LDLRAD1: variants seen among roughly 807,000 people sequenced by gnomAD.
LDLRAD1 encodes low-density lipoprotein receptor class A domain-containing protein 1.
A neutral mutation model predicts 24.8 loss-of-function variants in LDLRAD1; 17 were observed. That is an observed-to-expected ratio of 0.69 (90% CI 0.47 to 1.03). LDLRAD1 has a LOEUF of 1.03. LDLRAD1 is among the 50% of genes least tolerant of loss of function. The pLI, the probability that LDLRAD1 is intolerant of heterozygous loss-of-function variation, is 0.00. For synonymous variants in LDLRAD1, 103 were observed against 108.2 expected, an observed-to-expected ratio of 0.95 and a Z score of 0.30; for missense variants, 277 against 271.0, an observed-to-expected ratio of 1.02 and a Z score of -0.16.
At position 54,010,275 on chromosome 1, in the gene LDLRAD1, C is replaced by A. The variant is rs754581787; in HGVS notation, c.469+7G>T. ...AGCCCCAGCCCAGCCTGTGCCCAGA[C>A]CCCTACCTGGGCTCAGTTCATCTGA... On this transcript the variant is annotated splice_region_variant and intron_variant, in intron 5 of 5. Transcript: ENST00000371360. 2 of 1,613,786 alleles carry A rather than the reference C, an allele frequency of 1.2e-6. No individual in the cohort carries two copies. Among genetic ancestry groups the A allele is most frequent in the African/African-American group, 2.7e-5 (2 of 74,912 alleles).
In LDLRAD1 at chr1:54,007,879, G is replaced by A. The variant is rs1416929439; in HGVS notation, c.*1103C>T. 6.6e-6 allele frequency: 1 copy of A among 152,264 alleles called. No homozygotes were observed. Among genetic ancestry groups the A allele is most frequent in the East Asian group, 1.9e-4 (1 of 5,200 alleles). 9.4% of individuals were successfully genotyped at this position (152,264 alleles called of 1,614,324 possible). On this transcript the variant is annotated 3_prime_UTR_variant, in exon 6 of 6. Coordinates refer to ENST00000371360, the MANE Select transcript of LDLRAD1 (RefSeq NM_001010978.4). ...AGTTCCAGCGCTGACTTTGCTCTAT[G>A]ATTCTGGACAAGTCATCGCCCTCTC...
At chr1:54,011,662 A>T (rs567112671) in intron 4 of LDLRAD1, among the ~76,000 whole-genome samples, 1 of 152,276 alleles carries the variant, frequency 6.6e-6, no homozygotes, top group East Asian at 1.9e-4. Context: ...TTCATTCAGC[A>T]AGCCGTTCTG....
At chr1:54,012,387 G>A in intron 3 of LDLRAD1, 107 bp from the exon 4 acceptor site, 3 of 1,235,036 alleles carry the variant, frequency 2.4e-6, no homozygotes, top group Non-Finnish European at 3.5e-6. Context: ...TGGGGCAGTG[G>A]GGAGGATGGA....
intron 5 of LDLRAD1, 139 bp from the exon 6 acceptor site, chr1:54,009,269 T>C: frequency 1.4e-6 from 1 of 736,172 alleles, no homozygotes. Flanking sequence ...GTGTTCCTAG[T>C]TTTCCTGCGG....
chr1:54,007,972 G>A lies in LDLRAD1; in HGVS notation c.*1010C>T, dbSNP rs1052097821. ...TTGCCTGCCTGGGTGGTGTGAAGCT[G>A]GAAAGATAAGCACAGAAGCAGCTCA... On this transcript the variant is annotated 3_prime_UTR_variant, in exon 6 of 6. Coordinates refer to ENST00000371360, the MANE Select transcript of LDLRAD1 (RefSeq NM_001010978.4). 2 of 152,230 alleles carry A rather than the reference G, an allele frequency of 1.3e-5. No individual in the cohort carries two copies. Among genetic ancestry groups the A allele is most frequent in the African/African-American group, 4.8e-5 (2 of 41,424 alleles). 9.4% of individuals were successfully genotyped at this position (152,230 alleles called of 1,614,324 possible).
Position 54,010,410 on chromosome 1 carries a change from C to T in LDLRAD1, c.341G>A (p.Arg114Gln). Residue 114 changes from arginine to glutamine, a missense_variant and splice_region_variant, in exon 5 of 6, where the codon CGA (arginine) becomes CAA (glutamine). Arg to Gln is a conservative substitution (Grantham distance 43). Coordinates refer to ENST00000371360, the MANE Select transcript of LDLRAD1 (RefSeq NM_001010978.4). ...GTGGGGGAGGCTCTGGGGCACATCT[C>T]CTGTAGAGGTACAGAGGAGGCAGGA... is the stretch of plus-strand genomic sequence containing the variant. Reference protein sequence around the residue: ...HGEDEDESLCRDVPQSLPHFL... With the variant: ...HGEDEDESLCQDVPQSLPHFL... The T allele has an allele frequency of 1.9e-6, 3 of 1,613,886 alleles. No individual in the cohort carries two copies. Among genetic ancestry groups the T allele is most frequent in the Non-Finnish European group, 2.5e-6 (3 of 1,180,000 alleles).
chr1:54,013,991 C>G (rs1302930864), intron 3 of LDLRAD1, among the ~76,000 whole-genome samples: 1 of 152,020 alleles, frequency 6.6e-6, no homozygotes, highest in African/African-American at 2.4e-5. Context: ...GGAAGGCATC[C>G]TGGAGGAGGT....
Position 54,012,185 on chromosome 1 carries a change from G to A in LDLRAD1, c.298C>T (p.Arg100Cys), listed in dbSNP as rs754944340. Reference protein sequence around the residue: ...IPASGVCDGVRTCTHGEDEDE... With the variant: ...IPASGVCDGVCTCTHGEDEDE... ...TCGTCCTCGCCGTGGGTACAGGTGC[G>A]AACGCCATCACAGACCCCACTGGCT... The change falls in exon 4 of 6, where the codon CGC (arginine) becomes TGC (cysteine). Residue 100 changes from arginine to cysteine, a missense_variant. By Grantham distance (180) the Arg-to-Cys change is radical. Coordinates refer to ENST00000371360, the MANE Select transcript of LDLRAD1 (RefSeq NM_001010978.4). 24 of 1,614,004 alleles carry A rather than the reference G, an allele frequency of 1.5e-5. No homozygotes were observed. The highest frequency in any genetic ancestry group is 1.3e-4 in the Admixed American group (8 of 60,012).
chr1:54,014,173 C>T, intron 3 of LDLRAD1, 63 bp downstream of exon 3: 1 of 1,537,370 alleles, frequency 6.5e-7, no homozygotes, highest in Non-Finnish European at 8.8e-7. Flanking sequence ...GCTCCCTCAT[C>T]TCTCTGTGCC....
intron 3 of LDLRAD1, among the ~76,000 whole-genome samples, chr1:54,014,005 A>T (rs2100258151): frequency 6.6e-6 from 1 of 152,226 alleles, no homozygotes; most frequent in East Asian, 1.9e-4. Context: ...AGGAGGTGAC[A>T]TCAGAGCTGG....
Position 54,012,273 on chromosome 1 carries a change from T to C in LDLRAD1, c.210A>G (p.Gln70=), listed in dbSNP as rs1390501158. ...TCCTGTTTGTCAGTGTTATACAAGC[T>C]TGGGCTCCTGAATGGGCAGGGAAAG... The part of the protein sequence containing the change: ...LGLPSCTPGA[Q]ACITLTNRTG... Residue 70 remains glutamine (Q), a synonymous_variant, in exon 4 of 6, where the codon CAA becomes CAG. Coordinates refer to ENST00000371360, the MANE Select transcript of LDLRAD1 (RefSeq NM_001010978.4). 1.9e-6 allele frequency: 3 copies of C among 1,614,074 alleles called. No homozygotes were observed. Among genetic ancestry groups the C allele is most frequent in the Non-Finnish European group, 2.5e-6 (3 of 1,179,984 alleles).
intron 3 of LDLRAD1, 50 bp from the exon 4 acceptor site, chr1:54,012,330 G>A (rs1360844223): frequency 7.5e-6 from 12 of 1,603,518 alleles, no homozygotes; most frequent in African/African-American, 1.3e-5. Flanking sequence ...TGCTCACAAG[G>A]ACAAACCTTC....
chr1:54,014,371 G>T lies in LDLRAD1; in HGVS notation c.74-7C>A, dbSNP rs374942731. The T allele has an allele frequency of 3.2e-5, 49 of 1,544,522 alleles. No individual in the cohort carries two copies. The highest frequency in any genetic ancestry group is 2.2e-4 in the East Asian group (9 of 40,594). ...CAGAGGTGGCCGCCGCCTGCTGTGTGGGGGGGAAACAAGCCCGGGGGTGGT... is the reference window on the plus strand; with the variant it reads ...CAGAGGTGGCCGCCGCCTGCTGTGTTGGGGGGAAACAAGCCCGGGGGTGGT... On this transcript the variant is annotated splice_region_variant and splice_polypyrimidine_tract_variant and intron_variant, in intron 2 of 5. Coordinates refer to ENST00000371360, the MANE Select transcript of LDLRAD1 (RefSeq NM_001010978.4).
chr1:54,010,301 A>G lies in LDLRAD1; in HGVS notation c.450T>C (p.Cys150=). The G allele has an allele frequency of 1.2e-6, 2 of 1,614,022 alleles. No individual in the cohort carries two copies. The highest frequency in any genetic ancestry group is 1.7e-6 in the Non-Finnish European group (2 of 1,179,984). Residue 150 remains cysteine, a synonymous_variant, in exon 5 of 6, where the codon TGT becomes TGC. Transcript: ENST00000371360. ...CCCTACCTGGGCTCAGTTCATCTGAACAGTCCCCGCAGTTGTTAGTGCCAT... is the reference window on the plus strand; with the variant it reads ...CCCTACCTGGGCTCAGTTCATCTGAGCAGTCCCCGCAGTTGTTAGTGCCAT... ...KCDGTNNCGD[C]SDELSPVTVC...
rs1656087483 is a variant in LDLRAD1 at position 54,012,201 on chromosome 1, C to T, written c.282G>A (p.Gly94=). The change falls in exon 4 of 6, where the codon GGG becomes GGA. Residue 94 remains glycine (G), a synonymous_variant. Transcript: ENST00000371360. Reference sequence around the variant, plus strand: ...TACAGGTGCGAACGCCATCACAGACCCCACTGGCTGGAATGCAGCTCCTCT... The same window carrying T: ...TACAGGTGCGAACGCCATCACAGACTCCACTGGCTGGAATGCAGCTCCTCT... ...HDQRSCIPAS[G]VCDGVRTCTH... 1.2e-6 allele frequency: 2 copies of T among 1,614,130 alleles called. No individual in the cohort carries two copies. The highest frequency in any genetic ancestry group is 2.2e-5 in the East Asian group (1 of 44,882).
intron 2 of LDLRAD1, among the ~76,000 whole-genome samples, chr1:54,016,378 A>G (rs946102398): frequency 1.3e-5 from 2 of 152,162 alleles, no homozygotes; most frequent in South Asian, 2.1e-4. Context: ...AGGTGTCCTG[A>G]TCAGCCAAGC....
rs557119831 is a variant in LDLRAD1, at chr1:54,015,637, G to A, written c.74-1273C>T. ...CAGCCCAGAGCCAGGCACGTGGTGGGGGCTTTTGTTTTTTTTGTTTTTTTT... is the reference window on the plus strand; with the variant it reads ...CAGCCCAGAGCCAGGCACGTGGTGGAGGCTTTTGTTTTTTTTGTTTTTTTT... On this transcript the variant is annotated intron_variant, in intron 2 of 5. Coordinates refer to ENST00000371360, the MANE Select transcript of LDLRAD1 (RefSeq NM_001010978.4). 2.6e-5 allele frequency among the ~76,000 whole-genome samples: 4 copies of A among 151,146 alleles called. No homozygotes were observed. In the South Asian group the frequency reaches 8.4e-4, roughly 32 times the overall value.
Position 54,010,376 on chromosome 1 carries a change from C to T in LDLRAD1, c.375G>A (p.Val125=), listed in dbSNP as rs758300338. The part of the protein sequence containing the change: ...DVPQSLPHFL[V]AHCGDPASWI... ...AGGAGGCCGGGTCTCCACAGTGGGC[C>T]ACAAGGAAGTGGGGGAGGCTCTGGG... Residue 125 remains valine (V), a synonymous_variant, in exon 5 of 6, where the codon GTG becomes GTA. Transcript: ENST00000371360. 1.2e-6 allele frequency: 2 copies of T among 1,613,976 alleles called. No individual in the cohort carries two copies. The highest frequency in any genetic ancestry group is 3.3e-5 in the Admixed American group (2 of 60,000).
At chr1:54,012,079 G>A in intron 4 of LDLRAD1, 64 bp downstream of exon 4, 1 of 1,591,300 alleles carries the variant, frequency 6.3e-7, no homozygotes, top group African/African-American at 1.3e-5. Flanking sequence ...TGTTCAGTAT[G>A]GATGCCAAGA....
Sources: allele counts gnomAD v4.1 joint callset (sites outside exome capture counted in the v4.1 genomes callset), GRCh38; gene constraint gnomAD v4.1.1; transcripts MANE v1.5; gene names NCBI Gene and HGNC (gene_info 2026-07-23, HGNC 2026-07-21).